PRKN: variants seen among roughly 807,000 people sequenced by gnomAD.
PRKN encodes parkin RBR E3 ubiquitin protein ligase, also known as E3 ubiquitin-protein ligase parkin.
Under a neutral mutation model 59.5 loss-of-function variants are expected in PRKN, and 56 were observed. The ratio of observed to expected loss-of-function variants is 0.94; its 90% confidence interval spans 0.76 to 1.18. PRKN has a LOEUF of 1.18. PRKN is among the 50% of genes most tolerant of loss of function. The pLI, the probability that PRKN is intolerant of heterozygous loss-of-function variation, is 0.00. For synonymous variants in PRKN, 250 were observed against 222.1 expected, an observed-to-expected ratio of 1.13 and a Z score of -1.12; for missense variants, 657 against 596.4, an observed-to-expected ratio of 1.10 and a Z score of -1.06.
intron 7 of PRKN, among the ~76,000 whole-genome samples, chr6:161,659,073 G>T (rs1333129181): frequency 6.6e-6 from 1 of 152,120 alleles, no homozygotes; most frequent in African/African-American, 2.4e-5. Context: ...TCTCTCCATT[G>T]TCCTTGACTG....
At chr6:161,959,523 TTC>T (rs1780304198) in intron 6 of PRKN, among the ~76,000 whole-genome samples, 2 of 152,174 alleles carry the variant, frequency 1.3e-5, no homozygotes, top group African/African-American at 4.8e-5. Context: ...CCAAATACTT[TTC>T]TGTCACCAAT....
At chr6:162,544,112 A>G (rs1299249124) in intron 1 of PRKN, among the ~76,000 whole-genome samples, 1 of 152,204 alleles carries the variant, frequency 6.6e-6, no homozygotes, top group Admixed American at 6.5e-5. Flanking sequence ...ATCATGGACA[A>G]AAATGTTGAG....
chr6:161,725,323 A>G (rs1020548209), intron 7 of PRKN, among the ~76,000 whole-genome samples: 9 of 152,232 alleles, frequency 5.9e-5, no homozygotes, highest in African/African-American at 2.2e-4. Context: ...AGACCAGTTC[A>G]CTAGATCATA....
chr6:161,881,113 C>A (rs1346260527), intron 6 of PRKN, among the ~76,000 whole-genome samples: 1 of 152,186 alleles, frequency 6.6e-6, no homozygotes, highest in Non-Finnish European at 1.5e-5. Flanking sequence ...CATCTTCAGC[C>A]CTCTACCCCA....
In PRKN at chr6:161,569,338, T is replaced by G. The variant is rs537282314; in HGVS notation, c.933+17A>C. The G allele has an allele frequency of 1.9e-6, 3 of 1,609,804 alleles. No homozygotes were observed. The highest frequency in any genetic ancestry group is 2.2e-5 in the East Asian group (1 of 44,852). On this transcript the variant is annotated intron_variant, in intron 8 of 11. Coordinates refer to ENST00000366898, the MANE Select transcript of PRKN (RefSeq NM_004562.3). ...CTTTCATGACAGTCTGATGCAGCCT[T>G]TGAGATGCTCACTCACCTGCTCTTC...
intron 6 of PRKN, among the ~76,000 whole-genome samples, chr6:161,873,178 T>C (rs9458403): frequency 0.63 from 95,445 of 151,258 alleles, 30,790 homozygotes; most frequent in Middle Eastern, 0.7. Context: ...AGTCAGTGTG[T>C]GTCTCTTCCT....
At chr6:162,504,522 T>C (rs1007224218) in intron 1 of PRKN, among the ~76,000 whole-genome samples, 1 of 152,112 alleles carries the variant, frequency 6.6e-6, no homozygotes, top group African/African-American at 2.4e-5. Flanking sequence ...AGATATGACA[T>C]CTTGGTGTAC....
rs559204974 is a variant in PRKN at position 161,670,773 on chromosome 6, G to T, written c.872-101357C>A. ...AGAGCTTGCAGTGAGCTGAAATAAT[G>T]CCACTGCACTCCAGCCTAGCAACAG... is the stretch of plus-strand genomic sequence containing the variant. On this transcript the variant is annotated intron_variant, in intron 7 of 11. Coordinates refer to ENST00000366898, the MANE Select transcript of PRKN (RefSeq NM_004562.3). Among the ~76,000 whole-genome samples, 6 of 152,150 alleles carry T rather than the reference G, an allele frequency of 3.9e-5. No homozygotes were observed. In the South Asian group the frequency reaches 1.2e-3, roughly 32 times the overall value.
At chr6:162,069,708 GGATT>G (rs1778493565) in intron 4 of PRKN, among the ~76,000 whole-genome samples, 1 of 152,056 alleles carries the variant, frequency 6.6e-6, no homozygotes, top group African/African-American at 2.4e-5. Flanking sequence ...GAAATAGAAA[GGATT>G]AATTGTTCCT....
chr6:162,077,385 C>G (rs1307694414), intron 4 of PRKN, among the ~76,000 whole-genome samples: 1 of 152,110 alleles, frequency 6.6e-6, no homozygotes, highest in Admixed American at 6.5e-5. Context: ...ACAAAATCAC[C>G]TAACAACACA....
At chr6:162,717,928 T>A (rs967675526) in intron 1 of PRKN, among the ~76,000 whole-genome samples, 1 of 152,218 alleles carries the variant, frequency 6.6e-6, no homozygotes, top group African/African-American at 2.4e-5. Flanking sequence ...CTTTTCAGTA[T>A]TTCCAAAACA....
intron 7 of PRKN, among the ~76,000 whole-genome samples, chr6:161,756,016 T>C (rs563016195): frequency 1.1e-4 from 17 of 152,182 alleles, no homozygotes; most frequent in Admixed American, 7.9e-4. Flanking sequence ...TGGGTTGAAA[T>C]TGATCAATGA....
At chr6:162,519,229 A>T (rs1388643148) in intron 1 of PRKN, among the ~76,000 whole-genome samples, 1 of 152,182 alleles carries the variant, frequency 6.6e-6, no homozygotes, top group Non-Finnish European at 1.5e-5. Flanking sequence ...TTACGAAGTG[A>T]CTCATTTAAA....
chr6:162,011,469 A>C lies in PRKN; in HGVS notation c.619-38052T>G, dbSNP rs1278115687. Among the ~76,000 whole-genome samples the C allele has an allele frequency of 1.9e-4, 7 of 37,462 alleles. 1 individual carries two copies. Among genetic ancestry groups the C allele is most frequent in the Non-Finnish European group, 2.8e-4 (7 of 25,052 alleles). 24.6% of individuals were successfully genotyped at this position (37,462 alleles called of 152,430 possible). A position where few individuals can be genotyped will look rare whatever the true frequency, so the allele number is the denominator to read the frequency against. On this transcript the variant is annotated intron_variant, in intron 5 of 11. Coordinates refer to ENST00000366898, the MANE Select transcript of PRKN (RefSeq NM_004562.3). ...TATAATATATAATATATATATTATA[A>C]TATATAATATATTATAATATATATA...
chr6:161,827,545 T>C (rs1347391548), intron 6 of PRKN, among the ~76,000 whole-genome samples: 7 of 140,998 alleles, frequency 5.0e-5, no homozygotes, highest in Non-Finnish European at 1.1e-4. Flanking sequence ...AGTCTCAATC[T>C]GTCACCCAGG....
chr6:162,213,804 TACACACACACACACACAC>T lies in PRKN; in HGVS notation c.413-12570_413-12553del, dbSNP rs58192789. Among the ~76,000 whole-genome samples the T allele has an allele frequency of 6.9e-3, 873 of 126,642 alleles. 10 individuals are homozygous for T. Among genetic ancestry groups the T allele is most frequent in the African/African-American group, 0.021 (730 of 33,958 alleles). 83.1% of individuals were successfully genotyped at this position (126,642 alleles called of 152,430 possible). ...TAAAAATATTTCCAAAAAAAAACCA[TACACACACACACACACAC>T]ACACACACACACACACACACACACA... On this transcript the variant is annotated intron_variant, in intron 3 of 11. Transcript: ENST00000366898.
intron 2 of PRKN, among the ~76,000 whole-genome samples, chr6:162,322,859 G>A (rs1562669677): frequency 6.6e-6 from 1 of 151,816 alleles, no homozygotes; most frequent in Non-Finnish European, 1.5e-5. Context: ...AAGAAAATGT[G>A]ACACATATAT....
At chr6:161,520,794 A>AAAGCT (rs1332127260) in intron 9 of PRKN, among the ~76,000 whole-genome samples, 4 of 152,204 alleles carry the variant, frequency 2.6e-5, no homozygotes, top group African/African-American at 9.6e-5. Flanking sequence ...TTATGATGAG[A>AAAGCT]AAGCTGTTCT....
At chr6:161,822,647 G>C (rs1257945924) in intron 6 of PRKN, among the ~76,000 whole-genome samples, 2 of 152,102 alleles carry the variant, frequency 1.3e-5, no homozygotes, top group Non-Finnish European at 2.9e-5. Flanking sequence ...CTACATTCTA[G>C]TCTGGGCAAC....
Sources: allele counts gnomAD v4.1 joint callset (sites outside exome capture counted in the v4.1 genomes callset), GRCh38; gene constraint gnomAD v4.1.1; transcripts MANE v1.5; gene names NCBI Gene and HGNC (gene_info 2026-07-23, HGNC 2026-07-21).